Variants in FRMD6 observed in about 807,000 individuals in gnomAD.
FRMD6 encodes FERM domain containing 6, also known as FERM domain-containing protein 6.
FRMD6 carries 37 observed loss-of-function variants against 73.2 expected under a neutral mutation model. The observed-to-expected ratio is 0.51, with a 90% CI of 0.39 to 0.66. The LOEUF is 0.66. FRMD6 is among the 30% of genes least tolerant of loss of function. The pLI, the probability that FRMD6 is intolerant of heterozygous loss-of-function variation, is 0.00. For synonymous variants in FRMD6, 273 were observed against 282.2 expected, an observed-to-expected ratio of 0.97 and a Z score of 0.33; for missense variants, 714 against 780.5, an observed-to-expected ratio of 0.91 and a Z score of 1.02.
intron 2 of FRMD6, among the ~76,000 whole-genome samples, chr14:51,580,146 G>GTGTA (rs1555323449): frequency 6.6e-6 from 1 of 152,170 alleles, no homozygotes; most frequent in African/African-American, 2.4e-5. Context: ...GTGTGTGTGT[G>GTGTA]TGTATGTTTG....
At chr14:51,678,768 T>G (rs965654857) in intron 1 of FRMD6, among the ~76,000 whole-genome samples, 1 of 136,742 alleles carries the variant, frequency 7.3e-6, no homozygotes, top group African/African-American at 2.8e-5. Flanking sequence ...GGAGGCATGC[T>G]TCACAGACCA....
chr14:51,694,890 CAGCAGGCAAGACTTCAG>C (rs1895842714), intron 2 of FRMD6, among the ~76,000 whole-genome samples: 1 of 152,266 alleles, frequency 6.6e-6, no homozygotes, highest in South Asian at 2.1e-4. Flanking sequence ...CTTATTTTCA[CAGCAGGCAAGACTTCAG>C]AGCCATGGCC....
intron 1 of FRMD6, among the ~76,000 whole-genome samples, chr14:51,672,404 C>A (rs1274700107): frequency 6.6e-6 from 1 of 152,180 alleles, no homozygotes; most frequent in African/African-American, 2.4e-5. Flanking sequence ...GATGGGAAAT[C>A]ATTAGGCATT....
intron 1 of FRMD6, among the ~76,000 whole-genome samples, chr14:51,681,015 T>G (rs1894759733): frequency 6.6e-6 from 1 of 152,228 alleles, no homozygotes; most frequent in Admixed American, 6.5e-5. Flanking sequence ...AACCACAGCT[T>G]ATGATTCGAT....
intron 2 of FRMD6, among the ~76,000 whole-genome samples, chr14:51,577,668 A>G (rs1888481394): frequency 6.6e-6 from 1 of 152,198 alleles, no homozygotes. Flanking sequence ...GAGAGGAGGT[A>G]ACATGTGACC....
At chr14:51,489,844 G>A (rs938095805) in intron 1 of FRMD6, among the ~76,000 whole-genome samples, 7 of 152,146 alleles carry the variant, frequency 4.6e-5, no homozygotes, top group Admixed American at 6.5e-5. Flanking sequence ...TTGATGCACC[G>A]TTTTATTCTA....
chr14:51,454,754 A>T, the FRMD6 span: 1 of 152,326 alleles, frequency 6.6e-6, no homozygotes, highest in African/African-American at 2.4e-5. Flanking sequence ...AGCTGTGACT[A>T]CAGGACTGCA....
At chr14:51,485,117 G>A (rs561833621), upstream of FRMD6, among the ~76,000 whole-genome samples, 1 of 152,288 alleles carries the variant, frequency 6.6e-6, no homozygotes, top group African/African-American at 2.4e-5. Flanking sequence ...AGTGTCTGTG[G>A]ACAGTTGGCT....
chr14:51,678,453 G>C (rs1472750641), intron 1 of FRMD6, among the ~76,000 whole-genome samples: 1 of 152,126 alleles, frequency 6.6e-6, no homozygotes, highest in Non-Finnish European at 1.5e-5. Flanking sequence ...GAGACAAGAA[G>C]AAATGTACAC....
chr14:51,508,172 C>T (rs1884084608), intron 1 of FRMD6, among the ~76,000 whole-genome samples: 1 of 152,148 alleles, frequency 6.6e-6, no homozygotes, highest in Non-Finnish European at 1.5e-5. Context: ...CTCGCAGCCA[C>T]CTCTCCCGCT....
chr14:51,712,830 C>T (rs954291002), intron 9 of FRMD6, among the ~76,000 whole-genome samples: 2 of 152,254 alleles, frequency 1.3e-5, no homozygotes, highest in Non-Finnish European at 1.5e-5. Context: ...ATGTTTGGTC[C>T]GTAGCACATG....
intron 1 of FRMD6, among the ~76,000 whole-genome samples, chr14:51,680,727 A>T (rs1894734717): frequency 6.6e-6 from 1 of 151,620 alleles, no homozygotes; most frequent in Admixed American, 6.6e-5. Context: ...GATTTAGGGG[A>T]TGATGTGCTC....
At chr14:51,574,214 G>A (rs181445054) in intron 2 of FRMD6, among the ~76,000 whole-genome samples, 203 of 152,252 alleles carry the variant, frequency 1.3e-3, no homozygotes, top group African/African-American at 4.7e-3. Context: ...TTTTCAGAGT[G>A]AAGGGTGCAA....
intron 1 of FRMD6, among the ~76,000 whole-genome samples, chr14:51,509,086 T>C (rs1002598501): frequency 1.6e-4 from 25 of 152,324 alleles, no homozygotes; most frequent in Admixed American, 1.3e-3. Flanking sequence ...ATTCAAAACA[T>C]TTATACAAGG....
upstream of FRMD6, chr14:51,650,120 C>T (rs1892266190): frequency 6.6e-6 from 1 of 152,134 alleles, no homozygotes; most frequent in African/African-American, 2.4e-5. Context: ...ATCATAAGTA[C>T]AGTATCCTTA....
chr14:51,658,581 C>A (rs1248836142), intron 1 of FRMD6, among the ~76,000 whole-genome samples: 1 of 152,058 alleles, frequency 6.6e-6, no homozygotes, highest in African/African-American at 2.4e-5. Flanking sequence ...TTGTGTCTTC[C>A]TTCCACCCCC....
At chr14:51,442,079 T>A in the FRMD6 span, among the ~76,000 whole-genome samples, 3 of 152,192 alleles carry the variant, frequency 2.0e-5, no homozygotes, top group Non-Finnish European at 4.4e-5. Context: ...AGTTGCAGTG[T>A]AAGGACCGTT....
the FRMD6 span, among the ~76,000 whole-genome samples, chr14:51,406,006 T>C: frequency 6.6e-6 from 1 of 152,206 alleles, no homozygotes; most frequent in Non-Finnish European, 1.5e-5. Flanking sequence ...GAGTAGATTT[T>C]TGTATATGGT....
At chr14:51,710,179 ACT>A (rs988332977) in intron 7 of FRMD6, among the ~76,000 whole-genome samples, 1 of 152,126 alleles carries the variant, frequency 6.6e-6, no homozygotes, top group Admixed American at 6.6e-5. Context: ...ATAGAAAATG[ACT>A]CTTATCTGCT....
Sources: gnomAD v4.1 joint callset for allele counts (sites outside exome capture counted in the v4.1 genomes callset) on GRCh38, gnomAD v4.1.1 for gene constraint, MANE v1.5 for transcripts, NCBI Gene and HGNC (gene_info 2026-07-23, HGNC 2026-07-21) for gene names.